The following CBLN2 variants were observed in gnomAD, a reference collection of about 807,000 sequenced individuals.
CBLN2 encodes the protein cerebellin 2 precursor.
CBLN2 carries 7 observed loss-of-function variants against 15.0 expected under a neutral mutation model. The ratio of observed to expected loss-of-function variants is 0.47; its 90% CI spans 0.27 to 0.88. CBLN2 has a LOEUF of 0.88. Ranked by LOEUF, CBLN2 falls within the 40% of genes least tolerant of loss-of-function variation. CBLN2 has a pLI of 0.14. For synonymous variants in CBLN2, 149 were observed against 135.2 expected (o/e 1.10, Z -0.71); for missense variants, 242 against 304.5 (o/e 0.79, Z 1.53).
upstream of CBLN2, among the ~76,000 whole-genome samples, chr18:72,547,395 G>A (rs2069165420): frequency 1.3e-5 from 2 of 151,788 alleles, no homozygotes; most frequent in African/African-American, 4.8e-5. Flanking sequence ...TCACTTAGTG[G>A]GTACAATGTA....
intron 1 of CBLN2, among the ~76,000 whole-genome samples, chr18:72,587,189 T>C (rs1226377979): frequency 1.3e-5 from 2 of 152,054 alleles, no homozygotes; most frequent in East Asian, 1.9e-4. Flanking sequence ...CGGTTTGGCA[T>C]GAGGTGGTGA....
intron 1 of CBLN2, among the ~76,000 whole-genome samples, chr18:72,636,970 A>T (rs1248605958): frequency 6.6e-6 from 1 of 152,022 alleles, no homozygotes; most frequent in Non-Finnish European, 1.5e-5. Flanking sequence ...ATGAAAAAAA[A>T]AATCTTAAAT....
intron 1 of CBLN2, among the ~76,000 whole-genome samples, chr18:72,572,103 A>C (rs1321593205): frequency 6.6e-6 from 1 of 152,118 alleles, no homozygotes; most frequent in Non-Finnish European, 1.5e-5. Flanking sequence ...CCCATAATCT[A>C]GGGTTTGGGC....
intron 1 of CBLN2, among the ~76,000 whole-genome samples, chr18:72,580,472 T>G (rs1029499492): frequency 3.3e-5 from 5 of 152,154 alleles, no homozygotes; most frequent in African/African-American, 9.7e-5. Flanking sequence ...AAAAAATGAC[T>G]ACTTATCTGA....
intron 1 of CBLN2, among the ~76,000 whole-genome samples, chr18:72,601,693 T>G (rs572656806): frequency 1.3e-5 from 2 of 152,140 alleles, no homozygotes; most frequent in East Asian, 2.0e-4. Flanking sequence ...TCCTTCCTTA[T>G]CAGCAGCCCA....
intron 1 of CBLN2, among the ~76,000 whole-genome samples, chr18:72,568,747 T>C (rs908251692): frequency 2.0e-5 from 3 of 152,202 alleles, no homozygotes; most frequent in African/African-American, 7.2e-5. Context: ...TGTTCTGTGA[T>C]GTTAGGTCCA....
At chr18:72,613,217 G>T (rs183000618) in intron 1 of CBLN2, among the ~76,000 whole-genome samples, 14 of 152,266 alleles carry the variant, frequency 9.2e-5, no homozygotes, top group African/African-American at 3.4e-4. Context: ...CATTGATGTG[G>T]TAGAGGAGGT....
chr18:72,556,283 G>A (rs969073610), intron 1 of CBLN2, among the ~76,000 whole-genome samples: 1 of 152,168 alleles, frequency 6.6e-6, no homozygotes, highest in Non-Finnish European at 1.5e-5. Context: ...AACACTTAGG[G>A]AGATAGGATA....
At chr18:72,540,292 T>C (rs1236507071) in intron 3 of CBLN2, 1 of 152,234 alleles carries the variant, frequency 6.6e-6, no homozygotes, top group Non-Finnish European at 1.5e-5. Context: ...AGCCCTGCTG[T>C]AGATGAAAGA....
At chr18:72,637,880 A>G (rs1284258838) in intron 1 of CBLN2, among the ~76,000 whole-genome samples, 1 of 152,200 alleles carries the variant, frequency 6.6e-6, no homozygotes, top group Admixed American at 6.5e-5. Flanking sequence ...CGGGGCAAGG[A>G]GGCAGAGTCA....
intron 1 of CBLN2, among the ~76,000 whole-genome samples, chr18:72,563,514 G>A (rs937297951): frequency 1.3e-5 from 2 of 152,004 alleles, no homozygotes; most frequent in African/African-American, 2.4e-5. Flanking sequence ...GTATCTGTAC[G>A]AGAGCACTGG....
chr18:72,607,124 C>T (rs1568130089), intron 1 of CBLN2, among the ~76,000 whole-genome samples: 1 of 152,074 alleles, frequency 6.6e-6, no homozygotes, highest in Non-Finnish European at 1.5e-5. Flanking sequence ...AGGAGAACAC[C>T]CTGTGAACAT....
chr18:72,543,750 G>A lies in CBLN2; in HGVS notation c.-211-220C>T, dbSNP rs1250347851. ...CGCCCGGCTCAGCGCCCCGCGCTGT[G>A]CGCCCAGGTGCCTCCAACCCCTGGG... On this transcript the variant is annotated intron_variant, in intron 1 of 4. Coordinates refer to ENST00000269503, the MANE Select transcript of CBLN2 (RefSeq NM_182511.4). The surrounding 1 kb of genome is among the most constrained non-coding windows in gnomAD (Gnocchi z 6.8). 6.6e-6 allele frequency among the ~76,000 whole-genome samples: 1 copy of A among 151,776 alleles called. No individual in the cohort carries two copies. Among genetic ancestry groups the A allele is most frequent in the Non-Finnish European group, 1.5e-5 (1 of 67,932 alleles).
intron 1 of CBLN2, among the ~76,000 whole-genome samples, chr18:72,577,116 TGA>T (rs2069373343): frequency 6.7e-6 from 1 of 149,632 alleles, no homozygotes; most frequent in Non-Finnish European, 1.5e-5. Context: ...CAAAGAATGT[TGA>T]TGGCCATAGA....
chr18:72,550,899 G>C (rs2069187846), intron 1 of CBLN2, among the ~76,000 whole-genome samples: 1 of 151,980 alleles, frequency 6.6e-6, no homozygotes, highest in Non-Finnish European at 1.5e-5. Context: ...CCCCTAAAAT[G>C]ATATACGGCT....
intron 1 of CBLN2, among the ~76,000 whole-genome samples, chr18:72,549,399 T>C (rs1201807239): frequency 1.3e-5 from 2 of 152,238 alleles, no homozygotes; most frequent in East Asian, 3.8e-4. Flanking sequence ...TTTCTATTCT[T>C]GTGGGAATAT....
chr18:72,549,550 T>C (rs574004869), intron 1 of CBLN2, among the ~76,000 whole-genome samples: 58 of 152,330 alleles, frequency 3.8e-4, no homozygotes, highest in African/African-American at 1.3e-3. Flanking sequence ...AACAGTATGA[T>C]TATACAGCTG....
intron 1 of CBLN2, among the ~76,000 whole-genome samples, chr18:72,612,134 G>A (rs186285331): frequency 1.3e-5 from 2 of 152,188 alleles, no homozygotes; most frequent in African/African-American, 4.8e-5. Flanking sequence ...TGCTGTTTTG[G>A]TTACTGTAGC....
At chr18:72,631,781 TACACTCAGGAAATACAGTTCAA>T (rs540123623) in intron 1 of CBLN2, among the ~76,000 whole-genome samples, 1 of 152,176 alleles carries the variant, frequency 6.6e-6, no homozygotes, top group South Asian at 2.1e-4. Flanking sequence ...TCATCTGAAA[TACACTCAGGAAATACAGTTCAA>T]ACACTCAGGA....
Sources: allele counts gnomAD v4.1 joint callset (sites outside exome capture counted in the v4.1 genomes callset), GRCh38; gene constraint gnomAD v4.1.1; non-coding constraint Gnocchi (gnomAD v3.1); transcripts MANE v1.5; gene names NCBI Gene and HGNC (gene_info 2026-07-23, HGNC 2026-07-21).